The following LARGE1 variants were observed in gnomAD, a reference collection of about 807,000 sequenced individuals.
LARGE1 encodes LARGE xylosyl- and glucuronyltransferase 1.
A neutral mutation model predicts 87.6 loss-of-function variants in LARGE1; 43 were observed. The ratio of observed to expected loss-of-function variants is 0.49; its 90% CI spans 0.38 to 0.63. LARGE1 has a LOEUF of 0.63. Ranked by LOEUF, LARGE1 falls within the 30% of genes least tolerant of loss-of-function variation. The pLI is 0.00. For missense variants in LARGE1, 802 were observed against 1,000.2 expected (o/e 0.80, Z 2.67); for synonymous variants, 434 against 394.6 (o/e 1.10, Z -1.18).
chr22:33,626,534 AAC>A (rs760324930), intron 3 of LARGE1, among the ~76,000 whole-genome samples: 8 of 152,306 alleles, frequency 5.3e-5, no homozygotes, highest in Non-Finnish European at 1.0e-4. Context: ...ATCATTTGGA[AAC>A]CATTAAGGCT....
intron 11 of LARGE1, among the ~76,000 whole-genome samples, chr22:33,170,620 C>T (rs1226690289): frequency 6.6e-6 from 1 of 152,148 alleles, no homozygotes; most frequent in African/African-American, 2.4e-5. Context: ...TCTCCTGCCC[C>T]CTTGGGAAGA....
intron 1 of LARGE1, among the ~76,000 whole-genome samples, chr22:33,772,251 T>C (rs1359361614): frequency 1.3e-5 from 2 of 151,722 alleles, no homozygotes; most frequent in Non-Finnish European, 2.9e-5. Flanking sequence ...GAGAATGGTG[T>C]GAACGCAGGA....
chr22:33,598,497 AT>A (rs1327492813), intron 5 of LARGE1, among the ~76,000 whole-genome samples: 9 of 152,112 alleles, frequency 5.9e-5, no homozygotes, highest in African/African-American at 2.2e-4. Flanking sequence ...TACATTAGGT[AT>A]TTTTCCTAAT....
intron 2 of LARGE1, among the ~76,000 whole-genome samples, chr22:33,742,665 C>G (rs5999079): frequency 0.019 from 2,939 of 152,312 alleles, 93 homozygotes; most frequent in African/African-American, 0.066. Flanking sequence ...AATAAAACCA[C>G]GCAGATGCTT....
rs1385101098 is a variant in LARGE1, at chr22:33,835,611, T to C, written c.-82-74053A>G. Among the ~76,000 whole-genome samples the C allele has an allele frequency of 2.0e-5, 3 of 152,262 alleles. No homozygotes were observed. The East Asian group carries it at 5.8e-4, about 29-fold the overall frequency. On this transcript the variant is annotated intron_variant, in intron 1 of 14. Coordinates refer to ENST00000397394, the MANE Select transcript of LARGE1 (RefSeq NM_133642.5). ...TCACTTATTCATGCTAAAGACTTGC[T>C]GGCACTAACTGCGGCCTATTTGGAA...
chr22:33,697,979 T>C (rs947291732), intron 2 of LARGE1, among the ~76,000 whole-genome samples: 3 of 152,188 alleles, frequency 2.0e-5, no homozygotes, highest in Non-Finnish European at 2.9e-5. Flanking sequence ...AAGACATTTG[T>C]TTCTTAAAAG....
At chr22:33,492,029 C>T (rs921893425) in intron 6 of LARGE1, among the ~76,000 whole-genome samples, 3 of 152,130 alleles carry the variant, frequency 2.0e-5, no homozygotes, top group African/African-American at 4.8e-5. Flanking sequence ...GTATCAGTGG[C>T]AGTGTTCTGA....
In LARGE1 at chr22:33,218,294, C is replaced by T. The variant is rs145083405; in HGVS notation, c.1731-51462G>A. Among the ~76,000 whole-genome samples the T allele has an allele frequency of 3.8e-3, 581 of 152,286 alleles. 3 individuals are homozygous for T. The highest frequency in any genetic ancestry group is 0.013 in the African/African-American group (557 of 41,554). ...CTGACATTTAAGTCACCATCACTCACCTATATATTCCAACCATATTAAACA... is the reference window on the plus strand; with the variant it reads ...CTGACATTTAAGTCACCATCACTCATCTATATATTCCAACCATATTAAACA... On this transcript the variant is annotated intron_variant, in intron 11 of 11. Coordinates refer to the LARGE1 transcript ENST00000608642.
chr22:33,185,666 A>T (rs1193521949), intron 11 of LARGE1, among the ~76,000 whole-genome samples: 3 of 152,140 alleles, frequency 2.0e-5, no homozygotes, highest in Non-Finnish European at 2.9e-5. Context: ...GGGGTGTATG[A>T]GAACTCTCTG....
intron 11 of LARGE1, among the ~76,000 whole-genome samples, chr22:33,190,077 A>G (rs1180552019): frequency 1.3e-5 from 2 of 152,236 alleles, no homozygotes; most frequent in Non-Finnish European, 2.9e-5. Context: ...AGCAGTAAGC[A>G]ATGAGAATAG....
intron 9 of LARGE1, among the ~76,000 whole-genome samples, chr22:33,349,782 T>C (rs1330201602): frequency 6.6e-6 from 1 of 152,216 alleles, no homozygotes; most frequent in Non-Finnish European, 1.5e-5. Context: ...AGGGTCCTGG[T>C]ACTCATAACT....
At chr22:33,360,221 G>A (rs2064335271) in intron 9 of LARGE1, among the ~76,000 whole-genome samples, 1 of 149,308 alleles carries the variant, frequency 6.7e-6, no homozygotes, top group South Asian at 2.2e-4. Context: ...GTTCAGGCAG[G>A]AGAACTGCTT....
At chr22:33,708,997 C>T (rs1022818683) in intron 2 of LARGE1, among the ~76,000 whole-genome samples, 2 of 152,128 alleles carry the variant, frequency 1.3e-5, no homozygotes, top group African/African-American at 4.8e-5. Flanking sequence ...GTCCTAATCT[C>T]TTCTTCTTAT....
At chr22:33,908,041 T>C (rs2065508180) in intron 1 of LARGE1, among the ~76,000 whole-genome samples, 1 of 152,148 alleles carries the variant, frequency 6.6e-6, no homozygotes. Flanking sequence ...AGGTTTTCTT[T>C]AGATTCCGGA....
At chr22:33,221,263 C>T (rs1221883815) in intron 11 of LARGE1, among the ~76,000 whole-genome samples, 6 of 152,102 alleles carry the variant, frequency 3.9e-5, no homozygotes, top group African/African-American at 1.4e-4. Flanking sequence ...CTGTGTACAT[C>T]TCTAGCAAGG....
intron 11 of LARGE1, among the ~76,000 whole-genome samples, chr22:33,192,808 A>C (rs1374429117): frequency 1.3e-5 from 2 of 152,138 alleles, no homozygotes; most frequent in Admixed American, 6.5e-5. Flanking sequence ...CAGGTCTTAC[A>C]TTTAAGACCT....
At chr22:33,477,448 AG>A (rs1250651601) in intron 6 of LARGE1, among the ~76,000 whole-genome samples, 1 of 152,214 alleles carries the variant, frequency 6.6e-6, no homozygotes, top group East Asian at 1.9e-4. Flanking sequence ...GTTCAACAAA[AG>A]ATCAGGGAAA....
chr22:33,089,355 T>TTCC, the LARGE1 span, among the ~76,000 whole-genome samples: 3 of 80,192 alleles, frequency 3.7e-5, no homozygotes, highest in African/African-American at 1.6e-4. Context: ...CTTCTTCTTC[T>TTCC]TCTTCTTCTT....
chr22:33,811,560 T>C (rs1416359884), intron 1 of LARGE1, among the ~76,000 whole-genome samples: 2 of 152,220 alleles, frequency 1.3e-5, no homozygotes, highest in Middle Eastern at 6.8e-3. Flanking sequence ...AAAAAAGATT[T>C]CCCAAATATT....
Sources: allele counts gnomAD v4.1 joint callset (sites outside exome capture counted in the v4.1 genomes callset), GRCh38; gene constraint gnomAD v4.1.1; transcripts MANE v1.5; gene names NCBI Gene and HGNC (gene_info 2026-07-23, HGNC 2026-07-21).